PCNX3: variants seen among roughly 807,000 people sequenced by gnomAD.
PCNX3 encodes pecanex 3.
Under a neutral mutation model 207.2 loss-of-function variants are expected in PCNX3, and 58 were observed. That is an observed-to-expected ratio of 0.28 (90% CI 0.23 to 0.35). The LOEUF is 0.35. PCNX3 is among the 10% of genes least tolerant of loss of function. PCNX3 has a pLI of 1.00. For missense variants in PCNX3, 2,410 were observed against 2,774.4 expected (o/e 0.87, Z 2.95); for synonymous variants, 1,337 against 1,183.5 (o/e 1.13, Z -2.66).
At position 65,637,220 on chromosome 11, in the gene PCNX3, C is replaced by T. The variant is rs1855884878; in HGVS notation, c.*242C>T. 8.9e-6 allele frequency: 5 copies of T among 558,672 alleles called. No homozygotes were observed. Among genetic ancestry groups the T allele is most frequent in the Admixed American group, 6.2e-5 (2 of 32,192 alleles). The allele number at this position is 558,672 out of a possible 1,614,324, so 34.6% of individuals were successfully genotyped here. On this transcript the variant is annotated 3_prime_UTR_variant, in exon 35 of 35. Coordinates refer to ENST00000355703, the MANE Select transcript of PCNX3 (RefSeq NM_032223.4). ...GAGGCAGTCAGCCTCCCAGCCAGGC[C>T]CTAAGAGCCAAACCATGGGCTGGTC...
chr11:65,622,250 G>A lies in PCNX3; in HGVS notation c.2241G>A (p.Gln747=), dbSNP rs1219952307. 9 of 1,604,190 alleles carry A rather than the reference G, an allele frequency of 5.6e-6. No individual in the cohort carries two copies. Among genetic ancestry groups the A allele is most frequent in the African/African-American group, 1.3e-5 (1 of 74,666 alleles). The change falls in exon 11 of 35, where the codon CAG becomes CAA. Residue 747 remains glutamine, a synonymous_variant. Transcript: ENST00000355703. The part of the protein sequence containing the change: ...RRVPLEIPEE[Q]TLMEEAPPRA... Reference sequence around the variant, plus strand: ...ACTCCCTGCACGAATCCCAGGAGCAGACACTGATGGAAGAAGCGCCACCCC... The same window carrying A: ...ACTCCCTGCACGAATCCCAGGAGCAAACACTGATGGAAGAAGCGCCACCCC...
Position 65,634,660 on chromosome 11 carries a change from C to T in PCNX3, c.4805+19C>T, listed in dbSNP as rs117126544. On this transcript the variant is annotated intron_variant, in intron 29 of 34. Transcript: ENST00000355703. ...CTGCAAGGTGAGTGCTCGGGTGTCC[C>T]GCGGGGCCTACTGCCGTCCCCACCC... The T allele has an allele frequency of 9.8e-4, 1,524 of 1,548,996 alleles. 30 individuals are homozygous for T. In the East Asian group the frequency reaches 0.031, roughly 32 times the overall value.
At chr11:65,621,021 T>TA (rs2135420682) in intron 10 of PCNX3, 55 bp downstream of exon 10, 1 of 1,485,048 alleles carries the variant, frequency 6.7e-7, no homozygotes, top group East Asian at 2.5e-5. Flanking sequence ...GGCGGGCAGA[T>TA]CACTGAGTCC....
chr11:65,630,643 C>G (rs750990779), intron 27 of PCNX3, 39 bp downstream of exon 27: 9 of 1,589,474 alleles, frequency 5.7e-6, no homozygotes, highest in Admixed American at 3.4e-5. Flanking sequence ...AGGGCCCTTG[C>G]GGGTGAGCGC....
chr11:65,622,276 G>A lies in PCNX3; in HGVS notation c.2267G>A (p.Arg756Gln), dbSNP rs748960134. The change falls in exon 11 of 35, where the codon CGG becomes CAG. Residue 756 changes from arginine to glutamine, a missense_variant. Arg to Gln is a conservative substitution (Grantham distance 43). Coordinates refer to ENST00000355703, the MANE Select transcript of PCNX3 (RefSeq NM_032223.4). ...EQTLMEEAPP[R>Q]AQHSYKYWLL... ...ACACTGATGGAAGAAGCGCCACCCC[G>A]GGCCCAGCATAGTTACAAGTACTGG... is the stretch of plus-strand genomic sequence containing the variant. The A allele has an allele frequency of 1.9e-5, 30 of 1,601,846 alleles. No homozygotes were observed. The highest frequency in any genetic ancestry group is 2.6e-5 in the Non-Finnish European group (30 of 1,174,760).
Position 65,617,930 on chromosome 11 carries a change from A to G in PCNX3, c.578-10A>G. 6.4e-7 allele frequency: 1 copy of G among 1,566,882 alleles called. No homozygotes were observed. The highest frequency in any genetic ancestry group is 8.6e-7 in the Non-Finnish European group (1 of 1,158,780). On this transcript the variant is annotated splice_polypyrimidine_tract_variant and intron_variant, in intron 5 of 34. Transcript: ENST00000355703. ...CTTTTTTCATTTTCTGTTTCCCTTT[A>G]TTTTGGCAGTTGGAGACCTTCCCCA...
At chr11:65,629,816 G>A (rs1254033838) in intron 26 of PCNX3, 81 bp downstream of exon 26, 2 of 1,442,502 alleles carry the variant, frequency 1.4e-6, no homozygotes, top group Non-Finnish European at 1.9e-6. Flanking sequence ...ACGTGCGAAG[G>A]AGGTCCAGTC....
At chr11:65,616,758 G>A (rs1854753188) in intron 1 of PCNX3, 66 bp from the exon 2 acceptor site, 7 of 1,521,670 alleles carry the variant, frequency 4.6e-6, no homozygotes, top group Non-Finnish European at 6.3e-6. Flanking sequence ...CTATGATGTT[G>A]ATGGCAGGTA....
At chr11:65,620,535 G>A in intron 9 of PCNX3, 106 bp downstream of exon 9, 1 of 1,272,126 alleles carries the variant, frequency 7.9e-7, no homozygotes, top group South Asian at 1.4e-5. Flanking sequence ...CTTGGGCAGG[G>A]GCAGCTCAGA....
At position 65,637,003 on chromosome 11, in the gene PCNX3, C is replaced by T; in HGVS notation, c.*25C>T. On this transcript the variant is annotated 3_prime_UTR_variant, in exon 35 of 35. Coordinates refer to ENST00000355703, the MANE Select transcript of PCNX3 (RefSeq NM_032223.4). ...AGCTACCTGGCGCCCACTGGACCAC[C>T]TCCTAGGATTCAGTAACGGACCTGC... 4 of 1,552,686 alleles carry T rather than the reference C, an allele frequency of 2.6e-6. No homozygotes were observed. The highest frequency in any genetic ancestry group is 3.5e-6 in the Non-Finnish European group (4 of 1,152,250).
chr11:65,632,157 C>T (rs981258112), intron 27 of PCNX3, among the ~76,000 whole-genome samples: 3 of 152,136 alleles, frequency 2.0e-5, no homozygotes, highest in African/African-American at 4.8e-5. Context: ...TCTCTTGTCC[C>T]ATGGGGAAGC....
intron 15 of PCNX3, 36 bp downstream of exon 15, chr11:65,624,617 G>A (rs570292068): frequency 4.8e-4 from 736 of 1,521,736 alleles, no homozygotes; most frequent in Non-Finnish European, 6.0e-4. Context: ...GATGGGGCCC[G>A]TGTGGAGGCC....
chr11:65,626,881 A>G (rs1384497263), intron 20 of PCNX3, 23 bp from the exon 21 acceptor site: 1 of 1,574,444 alleles, frequency 6.4e-7, no homozygotes, highest in South Asian at 1.2e-5. Context: ...AGCCAGGTGC[A>G]GAGTCCTGGC....
At chr11:65,634,838 A>G (rs767399687) in intron 29 of PCNX3, 135 bp from the exon 30 acceptor site, 39 of 1,306,006 alleles carry the variant, frequency 3.0e-5, no homozygotes, top group Non-Finnish European at 3.9e-5. Flanking sequence ...AGACATGGGC[A>G]GAGATTGGCC....
At position 65,621,133 on chromosome 11, in the gene PCNX3, C is replaced by T. The variant is rs548457758; in HGVS notation, c.2235+167C>T. On this transcript the variant is annotated intron_variant, in intron 10 of 34. Coordinates refer to ENST00000355703, the MANE Select transcript of PCNX3 (RefSeq NM_032223.4). ...TGTCTGTCCTGATCTTTGATGTTGGCAGAGACTCTGGGTCTGAATGGCTGG... is the reference window on the plus strand; with the variant it reads ...TGTCTGTCCTGATCTTTGATGTTGGTAGAGACTCTGGGTCTGAATGGCTGG... Among the ~76,000 whole-genome samples, 3 of 152,312 alleles carry T rather than the reference C, an allele frequency of 2.0e-5. No homozygotes were observed. The East Asian group carries it at 5.8e-4, about 29-fold the overall frequency.
rs1854860868 is a variant in PCNX3, at chr11:65,618,253, C to T, written c.891C>T (p.Ser297=). The T allele has an allele frequency of 6.2e-6, 10 of 1,609,962 alleles. No homozygotes were observed. The highest frequency in any genetic ancestry group is 8.5e-6 in the Non-Finnish European group (10 of 1,178,156). Residue 297 remains serine (S), a synonymous_variant, in exon 6 of 35, where the codon TCC becomes TCT. Coordinates refer to ENST00000355703, the MANE Select transcript of PCNX3 (RefSeq NM_032223.4). The stretch of plus-strand genomic sequence containing the variant: ...AGCCCACGCCCCAGAAAGCCGGCTC[C>T]TCAGACTCCTGCTTCAGCGGCACTG... ...SGEPTPQKAG[S]SDSCFSGTDR...
intron 2 of PCNX3, 44 bp from the exon 3 acceptor site, chr11:65,617,206 A>T: frequency 6.5e-7 from 1 of 1,534,820 alleles, no homozygotes; most frequent in South Asian, 1.2e-5. Flanking sequence ...TAGCATACAC[A>T]GAGGAGAGGT....
In PCNX3 at chr11:65,620,405, G is replaced by T. The variant is rs755375045; in HGVS notation, c.2075G>T (p.Gly692Val). The stretch of plus-strand genomic sequence containing the variant: ...TACGAGAACCCTGTAGGGCAGCAAG[G>T]GGAGCAGACAGCTAATGGAGCCTGG... ...GGYENPVGQQ[G>V]EQTANGAWDR... Residue 692 changes from glycine to valine, a missense_variant, in exon 9 of 35, where the codon GGG becomes GTG. Gly to Val is a moderately radical substitution (Grantham distance 109, BLOSUM62 -3). Coordinates refer to ENST00000355703, the MANE Select transcript of PCNX3 (RefSeq NM_032223.4). The T allele has an allele frequency of 3.1e-6, 5 of 1,613,304 alleles. No individual in the cohort carries two copies. Among genetic ancestry groups the T allele is most frequent in the Non-Finnish European group, 4.2e-6 (5 of 1,179,792 alleles).
chr11:65,628,588 C>T lies in PCNX3; in HGVS notation c.3703-7C>T. On this transcript the variant is annotated splice_polypyrimidine_tract_variant and splice_region_variant and intron_variant, in intron 22 of 34. Coordinates refer to ENST00000355703, the MANE Select transcript of PCNX3 (RefSeq NM_032223.4). ...GTCTTTTTTCTTCTCCCTGTTGGCC[C>T]TGCCAGCTGTGGGACTTGCTGTACA... 1 of 1,612,806 alleles carries T rather than the reference C, an allele frequency of 6.2e-7. No individual in the cohort carries two copies. The highest frequency in any genetic ancestry group is 8.5e-7 in the Non-Finnish European group (1 of 1,179,704).
Sources: allele counts gnomAD v4.1 joint callset (sites outside exome capture counted in the v4.1 genomes callset), GRCh38; gene constraint gnomAD v4.1.1; transcripts MANE v1.5; gene names NCBI Gene and HGNC (gene_info 2026-07-23, HGNC 2026-07-21).